The following CNTNAP2 variants were observed in gnomAD, a reference collection of about 807,000 sequenced individuals.
The protein encoded by CNTNAP2 is contactin-associated protein-like 2.
Under a neutral mutation model 155.2 loss-of-function variants are expected in CNTNAP2, and 98 were observed. That is an observed-to-expected ratio of 0.63 (90% CI 0.54 to 0.75). The LOEUF (loss-of-function observed/expected upper bound fraction) is 0.75. Ranked by LOEUF, CNTNAP2 falls within the 30% of genes least tolerant of loss-of-function variation. CNTNAP2 has a pLI of 0.00. For synonymous variants in CNTNAP2, 651 were observed against 631.2 expected (o/e 1.03, Z -0.47); for missense variants, 1,727 against 1,688.1 (o/e 1.02, Z -0.40).
chr7:146,572,149 T>A (rs1238323899), intron 1 of CNTNAP2, among the ~76,000 whole-genome samples: 1 of 152,204 alleles, frequency 6.6e-6, no homozygotes, highest in Non-Finnish European at 1.5e-5. Flanking sequence ...ACATTCACAT[T>A]TTAAGGTTTA....
At chr7:146,777,590 G>A (rs1253503781) in intron 2 of CNTNAP2, among the ~76,000 whole-genome samples, 2 of 151,064 alleles carry the variant, frequency 1.3e-5, no homozygotes, top group African/African-American at 4.9e-5. Context: ...TTAAGACAGG[G>A]TCTTGCTCTG....
intron 8 of CNTNAP2, among the ~76,000 whole-genome samples, chr7:147,272,766 T>C (rs751495541): frequency 4.0e-5 from 6 of 151,674 alleles, no homozygotes; most frequent in East Asian, 1.9e-4. Flanking sequence ...CTTGGCCTCC[T>C]AAAGTGCTGG....
intron 21 of CNTNAP2, among the ~76,000 whole-genome samples, chr7:148,270,553 C>T (rs1796755607): frequency 6.6e-6 from 1 of 152,214 alleles, no homozygotes; most frequent in Non-Finnish European, 1.5e-5. Context: ...CATATACTAA[C>T]AAGGAGCAAG....
chr7:147,224,840 A>G (rs1803485400), intron 8 of CNTNAP2, among the ~76,000 whole-genome samples: 1 of 152,168 alleles, frequency 6.6e-6, no homozygotes, highest in Non-Finnish European at 1.5e-5. Context: ...CTACAATGAA[A>G]CATATTAATT....
intron 3 of CNTNAP2, among the ~76,000 whole-genome samples, chr7:146,985,309 T>A (rs371116323): frequency 0.32 from 1,150 of 3,598 alleles, 11 homozygotes; most frequent in South Asian, 0.49. Flanking sequence ...AATGCTTGAA[T>A]TTTTTTTTTT....
At chr7:147,941,353 G>A (rs1426477536) in intron 14 of CNTNAP2, among the ~76,000 whole-genome samples, 3 of 152,094 alleles carry the variant, frequency 2.0e-5, no homozygotes, top group African/African-American at 7.2e-5. Flanking sequence ...GTAAAGGCTC[G>A]ACATTATAGA....
At chr7:146,476,177 T>G (rs1241773622) in intron 1 of CNTNAP2, among the ~76,000 whole-genome samples, 1 of 152,318 alleles carries the variant, frequency 6.6e-6, no homozygotes, top group African/African-American at 2.4e-5. Flanking sequence ...TTTTTCTCTC[T>G]TTTGCCTTTA....
chr7:148,267,193 T>C, intron 21 of CNTNAP2, 67 bp downstream of exon 21: 2 of 1,365,136 alleles, frequency 1.5e-6, no homozygotes. Context: ...GAGTTTGGAT[T>C]TTAAAACTAT....
At position 148,220,668 on chromosome 7, in the gene CNTNAP2, T is replaced by C. The variant is rs545233814; in HGVS notation, c.3247+3144T>C. Reference sequence around the variant, plus strand: ...AAGCAATAATGTGAACACAAAAGTGTTTGGTTGGATTGTGGATGATTTTTT... The same window carrying C: ...AAGCAATAATGTGAACACAAAAGTGCTTGGTTGGATTGTGGATGATTTTTT... On this transcript the variant is annotated intron_variant, in intron 19 of 23. Transcript: ENST00000361727. 1.5e-3 allele frequency among the ~76,000 whole-genome samples: 227 copies of C among 151,060 alleles called. 1 individual carries two copies. Among genetic ancestry groups the C allele is most frequent in the Non-Finnish European group, 2.6e-3 (174 of 67,830 alleles).
intron 4 of CNTNAP2, among the ~76,000 whole-genome samples, chr7:147,075,395 T>C (rs1463163388): frequency 6.6e-6 from 1 of 152,138 alleles, no homozygotes; most frequent in Non-Finnish European, 1.5e-5. Flanking sequence ...TCCCCATGGC[T>C]TGTGGTAACA....
intron 13 of CNTNAP2, among the ~76,000 whole-genome samples, chr7:147,735,651 G>GA (rs1212671694): frequency 6.6e-6 from 1 of 152,160 alleles, no homozygotes; most frequent in Non-Finnish European, 1.5e-5. Flanking sequence ...TATTGTGTGG[G>GA]AGTCTAAGTC....
intron 4 of CNTNAP2, among the ~76,000 whole-genome samples, chr7:147,105,864 T>C (rs1410080464): frequency 6.6e-6 from 1 of 152,066 alleles, no homozygotes; most frequent in Non-Finnish European, 1.5e-5. Flanking sequence ...CAACTTACCA[T>C]TTGTAAAGTG....
At chr7:146,593,599 C>T (rs1309633533) in intron 1 of CNTNAP2, among the ~76,000 whole-genome samples, 1 of 152,054 alleles carries the variant, frequency 6.6e-6, no homozygotes, top group Admixed American at 6.6e-5. Context: ...TGGAATGTGG[C>T]AAGTACTCAT....
chr7:148,002,744 T>C (rs1054043677), intron 15 of CNTNAP2, among the ~76,000 whole-genome samples: 5 of 152,114 alleles, frequency 3.3e-5, no homozygotes, highest in Admixed American at 2.0e-4. Context: ...CATTCACTGG[T>C]GGGCAAGTGT....
chr7:146,918,686 G>A (rs771828960), intron 3 of CNTNAP2, among the ~76,000 whole-genome samples: 24 of 152,224 alleles, frequency 1.6e-4, no homozygotes, highest in East Asian at 5.8e-4. Context: ...AATGAATTTC[G>A]CAGGTGTTTT....
intron 1 of CNTNAP2, among the ~76,000 whole-genome samples, chr7:146,450,383 T>C (rs1215215482): frequency 1.3e-5 from 2 of 152,244 alleles, no homozygotes; most frequent in Non-Finnish European, 2.9e-5. Context: ...AGGGCCAAGC[T>C]GGTTAGTTCT....
chr7:147,298,486 C>A (rs1446801532), intron 8 of CNTNAP2, among the ~76,000 whole-genome samples: 6 of 150,320 alleles, frequency 4.0e-5, no homozygotes, highest in East Asian at 3.9e-4. Context: ...CTAAAAAAAA[C>A]CCACAAAACC....
At chr7:148,318,170 G>C (rs1193804036) in intron 21 of CNTNAP2, among the ~76,000 whole-genome samples, 2 of 152,170 alleles carry the variant, frequency 1.3e-5, no homozygotes, top group African/African-American at 4.8e-5. Context: ...CTAGATCTTA[G>C]AATCAGGAGA....
chr7:147,801,345 TG>T (rs1206527352), intron 13 of CNTNAP2, among the ~76,000 whole-genome samples: 48 of 150,924 alleles, frequency 3.2e-4, no homozygotes, highest in African/African-American at 1.2e-3. Context: ...TTTTTTTTAT[TG>T]ATCATTCTTG....
Sources: allele counts gnomAD v4.1 joint callset (sites outside exome capture counted in the v4.1 genomes callset), GRCh38; gene constraint gnomAD v4.1.1; transcripts MANE v1.5; gene names NCBI Gene and HGNC (gene_info 2026-07-23, HGNC 2026-07-21).